The following NALF1 variants were observed in gnomAD, a reference collection of about 807,000 sequenced individuals.
The protein encoded by NALF1 is NALCN channel auxiliary factor 1, also known as family with sequence similarity 155 member A.
In NALF1, 3 loss-of-function variants were observed where a neutral mutation model predicts 48.4. The ratio of observed to expected loss-of-function variants is 0.06; its 90% CI spans 0.03 to 0.16. The LOEUF (loss-of-function observed/expected upper bound fraction) is 0.16, where lower values mean the gene tolerates loss of function less well. Among genes scored for constraint, NALF1 ranks in the 10% least tolerant of loss-of-function variants. NALF1 has a pLI of 1.00. For missense variants in NALF1, 526 were observed against 571.5 expected, an observed-to-expected ratio of 0.92 and a Z score of 0.81; for synonymous variants, 262 against 245.7, an observed-to-expected ratio of 1.07 and a Z score of -0.62.
chr13:107,497,825 T>C (rs1168360358), intron 1 of NALF1, among the ~76,000 whole-genome samples: 1 of 152,200 alleles, frequency 6.6e-6, no homozygotes, highest in Non-Finnish European at 1.5e-5. Flanking sequence ...ATTTAATTAA[T>C]AACTAAATAT....
At chr13:107,185,348 A>G (rs1259552579) in intron 2 of NALF1, among the ~76,000 whole-genome samples, 1 of 151,850 alleles carries the variant, frequency 6.6e-6, no homozygotes, top group Non-Finnish European at 1.5e-5. Context: ...ATGTTTATCT[A>G]TTTGCCTCCA....
At chr13:107,292,767 A>C (rs1404006895) in intron 1 of NALF1, among the ~76,000 whole-genome samples, 2 of 152,214 alleles carry the variant, frequency 1.3e-5, no homozygotes, top group African/African-American at 2.4e-5. Context: ...AATGATGAAA[A>C]AATATAGCAA....
chr13:107,180,485 T>A (rs1221133405), intron 2 of NALF1, among the ~76,000 whole-genome samples: 1 of 152,066 alleles, frequency 6.6e-6, no homozygotes. Flanking sequence ...TTTCAAATGT[T>A]TAAATTAGTA....
At chr13:107,781,833 C>T (rs528052406) in intron 1 of NALF1, among the ~76,000 whole-genome samples, 1 of 152,202 alleles carries the variant, frequency 6.6e-6, no homozygotes, top group South Asian at 2.1e-4. Flanking sequence ...ATGTGGACAA[C>T]TAATACAAGT....
At chr13:107,688,349 A>C (rs1302033137) in intron 1 of NALF1, among the ~76,000 whole-genome samples, 1 of 152,124 alleles carries the variant, frequency 6.6e-6, no homozygotes, top group African/African-American at 2.4e-5. Flanking sequence ...AAGTTTAAAA[A>C]CCTTTTACAC....
intron 1 of NALF1, among the ~76,000 whole-genome samples, chr13:107,809,328 C>T (rs546303931): frequency 6.6e-6 from 1 of 152,192 alleles, no homozygotes; most frequent in African/African-American, 2.4e-5. Flanking sequence ...GCAATCGTTG[C>T]TTTCTTTCCA....
intron 1 of NALF1, among the ~76,000 whole-genome samples, chr13:107,843,282 G>A (rs1880088601): frequency 6.6e-6 from 1 of 152,176 alleles, no homozygotes; most frequent in African/African-American, 2.4e-5. Flanking sequence ...AAGCAACTGA[G>A]TATCAGAAAA....
intron 2 of NALF1, among the ~76,000 whole-genome samples, chr13:107,177,901 T>C (rs1204822139): frequency 2.6e-5 from 4 of 152,006 alleles, no homozygotes; most frequent in Non-Finnish European, 5.9e-5. Flanking sequence ...AATGCAAAAA[T>C]TAGCTGTGCA....
chr13:107,380,665 G>T (rs895749772), intron 1 of NALF1, among the ~76,000 whole-genome samples: 1 of 152,050 alleles, frequency 6.6e-6, no homozygotes, highest in Non-Finnish European at 1.5e-5. Context: ...TTTGTTAAAA[G>T]ATGGGGATTT....
At chr13:107,703,481 G>C (rs1055556941) in intron 1 of NALF1, among the ~76,000 whole-genome samples, 1 of 151,274 alleles carries the variant, frequency 6.6e-6, no homozygotes, top group Non-Finnish European at 1.5e-5. Flanking sequence ...GAGTAGCTGG[G>C]GTTACAGGAT....
chr13:107,805,612 C>T (rs2138601245), intron 1 of NALF1, among the ~76,000 whole-genome samples: 1 of 152,184 alleles, frequency 6.6e-6, no homozygotes, highest in African/African-American at 2.4e-5. Flanking sequence ...GAAAAAAAAG[C>T]ATGGTTTCAA....
intron 1 of NALF1, among the ~76,000 whole-genome samples, chr13:107,633,321 C>T (rs561959264): frequency 6.6e-6 from 1 of 152,098 alleles, no homozygotes; most frequent in Admixed American, 6.6e-5. Flanking sequence ...CTCAAGAACT[C>T]ATAGATAATT....
At chr13:107,655,159 CAA>C (rs1181036022) in intron 1 of NALF1, among the ~76,000 whole-genome samples, 2 of 151,968 alleles carry the variant, frequency 1.3e-5, no homozygotes, top group African/African-American at 4.8e-5. Flanking sequence ...AGCAATCAGA[CAA>C]GAGATAAAAA....
chr13:107,728,295 A>G (rs1248582257), intron 1 of NALF1, among the ~76,000 whole-genome samples: 1 of 152,230 alleles, frequency 6.6e-6, no homozygotes, highest in Non-Finnish European at 1.5e-5. Context: ...ATGTCCATCA[A>G]TGATAGACTG....
intron 1 of NALF1, among the ~76,000 whole-genome samples, chr13:107,832,546 T>C (rs1879769719): frequency 6.6e-6 from 1 of 152,100 alleles, no homozygotes; most frequent in Admixed American, 6.6e-5. Flanking sequence ...ACCATCACCC[T>C]TCAAAAACTT....
At chr13:107,596,063 G>C (rs1422841853) in intron 1 of NALF1, among the ~76,000 whole-genome samples, 1 of 152,124 alleles carries the variant, frequency 6.6e-6, no homozygotes, top group Non-Finnish European at 1.5e-5. Context: ...CAGTCTTCGA[G>C]GGCAATGGAG....
At chr13:107,709,386 G>A (rs1432516935) in intron 1 of NALF1, among the ~76,000 whole-genome samples, 1 of 152,192 alleles carries the variant, frequency 6.6e-6, no homozygotes, top group Non-Finnish European at 1.5e-5. Context: ...TGGTTAACAG[G>A]CAAGGTGTGC....
intron 1 of NALF1, among the ~76,000 whole-genome samples, chr13:107,464,486 C>A (rs1224623456): frequency 6.6e-6 from 1 of 152,050 alleles, no homozygotes; most frequent in East Asian, 1.9e-4. Flanking sequence ...TTTCAGAAAT[C>A]ATGCCATTGT....
chr13:107,768,160 C>T (rs1877469985), intron 1 of NALF1, among the ~76,000 whole-genome samples: 1 of 152,112 alleles, frequency 6.6e-6, no homozygotes, highest in South Asian at 2.1e-4. Context: ...TTCATTGATC[C>T]AATGCCTCCT....
Sources: gnomAD v4.1 joint callset for allele counts (sites outside exome capture counted in the v4.1 genomes callset) on GRCh38, gnomAD v4.1.1 for gene constraint, MANE v1.5 for transcripts, NCBI Gene and HGNC (gene_info 2026-07-23, HGNC 2026-07-21) for gene names.